Variants in PCDHGB1 observed in about 807,000 individuals in gnomAD.
The protein encoded by PCDHGB1 is protocadherin gamma subfamily B, 1.
A neutral mutation model predicts 56.6 loss-of-function variants in PCDHGB1; 34 were observed. That is an observed-to-expected ratio of 0.60 (90% CI 0.46 to 0.80). The LOEUF (loss-of-function observed/expected upper bound fraction) is 0.80, where lower values mean the gene tolerates loss of function less well. Ranked by LOEUF, PCDHGB1 falls within the 30% of genes least tolerant of loss-of-function variation. PCDHGB1 has a pLI of 0.00. For synonymous variants in PCDHGB1, 561 were observed against 505.9 expected (o/e 1.11, Z -1.46); for missense variants, 1,278 against 1,204.6 (o/e 1.06, Z -0.90).
At chr5:141,356,126 A>G in intron 1 of PCDHGB1, 1 of 1,613,926 alleles carries the variant, frequency 6.2e-7, no homozygotes, top group Non-Finnish European at 8.5e-7. Flanking sequence ...GGTCTAGATT[A>G]TGAGGACTCT....
At position 141,476,752 on chromosome 5, in the gene PCDHGB1, A is replaced by C. The variant is rs771355583; in HGVS notation, c.2410-18055A>C. The C allele has an allele frequency of 6.2e-7, 1 of 1,613,926 alleles. No homozygotes were observed. The highest frequency in any genetic ancestry group is 1.1e-5 in the South Asian group (1 of 91,080). Reference sequence around the variant, plus strand: ...GAGAACGGGAGCCTAGTCTCCAGTTAGTGCTGACGGCGTTGGACGGAGGGA... The same window carrying C: ...GAGAACGGGAGCCTAGTCTCCAGTTCGTGCTGACGGCGTTGGACGGAGGGA... On this transcript the variant is annotated intron_variant, in intron 1 of 3. Transcript: ENST00000523390. The surrounding 1 kb of genome is among the most constrained non-coding windows in gnomAD (Gnocchi z 7.6).
chr5:141,453,077 T>C (rs2098755487), intron 1 of PCDHGB1, among the ~76,000 whole-genome samples: 1 of 152,090 alleles, frequency 6.6e-6, no homozygotes, highest in African/African-American at 2.4e-5. Context: ...CACACTCTGG[T>C]TGATTAGTAT....
rs1285420674 is a variant in PCDHGB1 at position 141,409,726 on chromosome 5, C to G, written c.2409+57057C>G. The G allele has an allele frequency of 1.9e-6, 3 of 1,612,982 alleles. No homozygotes were observed. The Admixed American group carries it at 5.0e-5, about 27-fold the overall frequency. On this transcript the variant is annotated intron_variant, in intron 1 of 3. Transcript: ENST00000523390. ...CGGTGTCGTCATACGTGTCAGTGAG[C>G]GCGCAGAGCGGGGTGGTGTTCGCGC...
intron 1 of PCDHGB1, among the ~76,000 whole-genome samples, chr5:141,473,757 T>C (rs993403397): frequency 6.6e-6 from 1 of 152,240 alleles, no homozygotes; most frequent in Non-Finnish European, 1.5e-5. Context: ...TTGGATACTA[T>C]GCAAAGGATT....
chr5:141,483,445 C>T (rs1332037230), intron 1 of PCDHGB1, among the ~76,000 whole-genome samples: 1 of 152,106 alleles, frequency 6.6e-6, no homozygotes, highest in Admixed American at 6.5e-5. Context: ...ACAATAAAAT[C>T]ATCAGGACTT....
intron 1 of PCDHGB1, chr5:141,365,645 C>T (rs770859603): frequency 2.5e-6 from 4 of 1,613,454 alleles, no homozygotes; most frequent in Non-Finnish European, 3.4e-6. Flanking sequence ...AAGCCACATC[C>T]CCTTGAAAGT....
intron 1 of PCDHGB1, chr5:141,392,507 T>TC (rs2092547058): frequency 4.3e-6 from 1 of 231,946 alleles, no homozygotes; most frequent in East Asian, 8.6e-5. Context: ...GATTTTTTTT[T>TC]CTCAGTAATC....
At chr5:141,374,864 G>A (rs1342499165) in intron 1 of PCDHGB1, 4 of 1,613,748 alleles carry the variant, frequency 2.5e-6, no homozygotes, top group Non-Finnish European at 3.4e-6. Flanking sequence ...AGGCACACCA[G>A]TGTTGGCAGT....
At chr5:141,438,287 T>C (rs1183751436) in intron 1 of PCDHGB1, among the ~76,000 whole-genome samples, 1 of 152,054 alleles carries the variant, frequency 6.6e-6, no homozygotes, top group African/African-American at 2.4e-5. Context: ...TAATTTAATC[T>C]GTATGTAAAA....
chr5:141,423,671 T>C (rs773279181), intron 1 of PCDHGB1: 7 of 1,550,720 alleles, frequency 4.5e-6, no homozygotes, highest in Non-Finnish European at 5.2e-6. Context: ...GTGAGATTTA[T>C]TTCTCTGCCT....
chr5:141,429,395 A>T (rs545207705), intron 1 of PCDHGB1, among the ~76,000 whole-genome samples: 166 of 152,126 alleles, frequency 1.1e-3, no homozygotes, highest in African/African-American at 3.8e-3. Flanking sequence ...TTTAAAAAAA[A>T]TTGAGATTAA....
At chr5:141,445,342 T>C (rs1026595756) in intron 1 of PCDHGB1, among the ~76,000 whole-genome samples, 4 of 152,202 alleles carry the variant, frequency 2.6e-5, no homozygotes, top group African/African-American at 9.6e-5. Flanking sequence ...ACAGTAAACA[T>C]TGGTGTCTGC....
At chr5:141,437,761 C>G (rs1200327020) in intron 1 of PCDHGB1, among the ~76,000 whole-genome samples, 3 of 144,682 alleles carry the variant, frequency 2.1e-5, no homozygotes, top group Admixed American at 7.0e-5. Flanking sequence ...TTTTTTGAGA[C>G]AGAGTCTCAA....
In PCDHGB1 at chr5:141,490,861, T is replaced by C. The variant is rs1465042036; in HGVS notation, c.2410-3946T>C. The C allele has an allele frequency of 1.2e-6, 2 of 1,613,816 alleles. No individual in the cohort carries two copies. Among genetic ancestry groups the C allele is most frequent in the Non-Finnish European group, 1.7e-6 (2 of 1,179,920 alleles). On this transcript the variant is annotated intron_variant, in intron 1 of 3. Coordinates refer to ENST00000523390, the MANE Select transcript of PCDHGB1 (RefSeq NM_018922.3). The surrounding 1 kb of genome is among the most constrained non-coding windows in gnomAD (Gnocchi z 5.4). Reference sequence around the variant, plus strand: ...TGTGGTGGGGGTTCGAGACTCCGGCTCTCCCCCATTGCATGCCAACACATC... The same window carrying C: ...TGTGGTGGGGGTTCGAGACTCCGGCCCTCCCCCATTGCATGCCAACACATC...
At position 141,477,118 on chromosome 5, in the gene PCDHGB1, A is replaced by T. The variant is rs2099405787; in HGVS notation, c.2410-17689A>T. The T allele has an allele frequency of 6.2e-7, 1 of 1,614,228 alleles. No homozygotes were observed. Among genetic ancestry groups the T allele is most frequent in the Non-Finnish European group, 8.5e-7 (1 of 1,180,034 alleles). On this transcript the variant is annotated intron_variant, in intron 1 of 3. Coordinates refer to ENST00000523390, the MANE Select transcript of PCDHGB1 (RefSeq NM_018922.3). This position sits in a 1 kb window ranked among gnomAD's most constrained non-coding sequence, Gnocchi z 4.9. ...ACAAGGGCGCCAATCCCGAAGGAGC[A>T]CATTGCAAAGTGTTGGTGGAGGTTG...
At chr5:141,353,190 T>C in intron 1 of PCDHGB1, among the ~76,000 whole-genome samples, 1 of 152,174 alleles carries the variant, frequency 6.6e-6, no homozygotes, top group South Asian at 2.1e-4. Flanking sequence ...GGTTGGCAAA[T>C]CTTGCTAAAG....
intron 1 of PCDHGB1, among the ~76,000 whole-genome samples, chr5:141,373,446 C>T (rs1282910334): frequency 6.6e-6 from 1 of 152,132 alleles, no homozygotes. Flanking sequence ...TCCCTTGATC[C>T]CAGGAGGTAG....
intron 1 of PCDHGB1, chr5:141,419,208 C>G: frequency 5.6e-6 from 9 of 1,613,966 alleles, no homozygotes; most frequent in Non-Finnish European, 6.8e-6. Flanking sequence ...GACAACGCGC[C>G]GGTTTTCGGA....
intron 1 of PCDHGB1, among the ~76,000 whole-genome samples, chr5:141,469,671 A>G (rs1285283342): frequency 1.3e-5 from 2 of 152,236 alleles, no homozygotes; most frequent in Non-Finnish European, 2.9e-5. Flanking sequence ...TTCTAATAAA[A>G]CTACATATGC....
Sources: gnomAD v4.1 joint callset for allele counts (sites outside exome capture counted in the v4.1 genomes callset) on GRCh38, gnomAD v4.1.1 for gene constraint, Gnocchi (gnomAD v3.1) non-coding constraint, MANE v1.5 for transcripts, NCBI Gene and HGNC (gene_info 2026-07-23, HGNC 2026-07-21) for gene names.